NELL2: variants seen among roughly 807,000 people sequenced by gnomAD.
NELL2 encodes protein kinase C-binding protein NELL2.
NELL2 carries 41 observed loss-of-function variants against 109.6 expected under a neutral mutation model. That is an observed-to-expected ratio of 0.37 (90% CI 0.29 to 0.49). The LOEUF (loss-of-function observed/expected upper bound fraction) is 0.49. NELL2 is among the 20% of genes least tolerant of loss of function. NELL2 has a pLI of 0.98. For missense variants in NELL2, 900 were observed against 1,008.3 expected, an observed-to-expected ratio of 0.89 and a Z score of 1.45; for synonymous variants, 355 against 344.7, an observed-to-expected ratio of 1.03 and a Z score of -0.33.
chr12:44,510,428 T>C (rs1350718235), intron 19 of NELL2, among the ~76,000 whole-genome samples: 1 of 152,184 alleles, frequency 6.6e-6, no homozygotes, highest in Non-Finnish European at 1.5e-5. Context: ...CATCCTCCAT[T>C]ATATAGTTTC....
chr12:44,544,938 C>T (rs1942731227), intron 15 of NELL2, among the ~76,000 whole-genome samples: 1 of 151,656 alleles, frequency 6.6e-6, no homozygotes, highest in African/African-American at 2.4e-5. Context: ...AAGGGCAGTC[C>T]TTGGAGAAAA....
At chr12:44,866,792 A>G (rs1592679504) in intron 2 of NELL2, among the ~76,000 whole-genome samples, 1 of 152,238 alleles carries the variant, frequency 6.6e-6, no homozygotes, top group East Asian at 1.9e-4. Flanking sequence ...GAAAGAAGAG[A>G]CATTATTACT....
chr12:44,886,081 TAGTAAGGAAGGAAGGAAGGAAGGA>T, intron 1 of NELL2, among the ~76,000 whole-genome samples: 1 of 107,888 alleles, frequency 9.3e-6, no homozygotes, highest in East Asian at 2.4e-4. Flanking sequence ...AACATCCATA[TAGTAAGGAAGGAAGGAAGGAAGGA>T]AGGAAGGAAG....
intron 1 of NELL2, among the ~76,000 whole-genome samples, chr12:44,901,499 A>C (rs1301155278): frequency 6.6e-6 from 1 of 152,190 alleles, no homozygotes; most frequent in Non-Finnish European, 1.5e-5. Context: ...ATTCCTTCTA[A>C]AACTATTCCA....
intron 15 of NELL2, among the ~76,000 whole-genome samples, chr12:44,533,435 T>C (rs1942171878): frequency 6.6e-6 from 1 of 152,064 alleles, no homozygotes; most frequent in Non-Finnish European, 1.5e-5. Context: ...TCCTGCCATG[T>C]AGATAGTACA....
chr12:44,686,890 G>A (rs879413528), intron 12 of NELL2, among the ~76,000 whole-genome samples: 1 of 152,198 alleles, frequency 6.6e-6, no homozygotes, highest in African/African-American at 2.4e-5. Flanking sequence ...CCTGCCCCCA[G>A]AGGTGGAGCC....
At chr12:44,653,915 T>C (rs1374652281) in intron 13 of NELL2, among the ~76,000 whole-genome samples, 1 of 152,226 alleles carries the variant, frequency 6.6e-6, no homozygotes, top group African/African-American at 2.4e-5. Flanking sequence ...CTTTATCTCT[T>C]ACAATTCCAT....
chr12:44,871,429 A>G (rs538828225), intron 2 of NELL2, among the ~76,000 whole-genome samples: 2 of 152,332 alleles, frequency 1.3e-5, no homozygotes, highest in South Asian at 4.1e-4. Context: ...TATTTGAAAG[A>G]ATGAAAGTAA....
chr12:44,878,600 A>C (rs1288575868), upstream of NELL2, among the ~76,000 whole-genome samples: 1 of 152,162 alleles, frequency 6.6e-6, no homozygotes, highest in Non-Finnish European at 1.5e-5. Context: ...TCTTTTGACT[A>C]TATCTCTTTG....
chr12:44,873,043 T>C (rs769654663), intron 2 of NELL2, among the ~76,000 whole-genome samples: 4 of 152,202 alleles, frequency 2.6e-5, no homozygotes, highest in Non-Finnish European at 5.9e-5. Context: ...CTTTTGTCAA[T>C]TTCATAATCC....
At chr12:44,557,111 C>T (rs1025864965) in intron 15 of NELL2, among the ~76,000 whole-genome samples, 10 of 152,304 alleles carry the variant, frequency 6.6e-5, no homozygotes, top group African/African-American at 2.4e-4. Flanking sequence ...CACTCCCACA[C>T]ATCCTTTCTC....
At chr12:44,879,176 T>C (rs940743327), upstream of NELL2, among the ~76,000 whole-genome samples, 1 of 152,084 alleles carries the variant, frequency 6.6e-6, no homozygotes, top group South Asian at 2.1e-4. Context: ...CATCTAGAAA[T>C]TGGAAATGGC....
At chr12:44,768,214 G>A (rs1941409965) in intron 9 of NELL2, among the ~76,000 whole-genome samples, 1 of 152,068 alleles carries the variant, frequency 6.6e-6, no homozygotes, top group Admixed American at 6.6e-5. Flanking sequence ...AATTATTCTA[G>A]TTTATTAATA....
chr12:44,840,444 C>T (rs951762549), intron 2 of NELL2, among the ~76,000 whole-genome samples: 1 of 152,030 alleles, frequency 6.6e-6, no homozygotes, highest in Non-Finnish European at 1.5e-5. Flanking sequence ...TTTGTACTTT[C>T]CCAAGCAAGG....
At chr12:44,679,508 G>A (rs991514610) in intron 12 of NELL2, among the ~76,000 whole-genome samples, 7 of 152,212 alleles carry the variant, frequency 4.6e-5, no homozygotes, top group Admixed American at 6.5e-5. Context: ...ATGTTCATAT[G>A]CATTGTATGT....
chr12:44,727,182 T>C lies in NELL2; in HGVS notation c.995-12441A>G, dbSNP rs112302946. The stretch of plus-strand genomic sequence containing the variant: ...TGGACTTGCACATAAAAATTGCACA[T>C]AGGGAAATTGTTGAAAATATCTGTG... On this transcript the variant is annotated intron_variant, in intron 9 of 19. Coordinates refer to ENST00000429094, the MANE Select transcript of NELL2 (RefSeq NM_001145108.2). Among the ~76,000 whole-genome samples the C allele has an allele frequency of 1.6e-3, 237 of 152,176 alleles. 1 individual carries two copies. Among genetic ancestry groups the C allele is most frequent in the African/African-American group, 5.2e-3 (217 of 41,548 alleles).
intron 2 of NELL2, among the ~76,000 whole-genome samples, chr12:44,838,948 T>C (rs1944137657): frequency 6.6e-6 from 1 of 152,228 alleles, no homozygotes; most frequent in South Asian, 2.1e-4. Context: ...CATTTTCTTC[T>C]GCTGGTCTAG....
At chr12:44,625,582 C>T (rs1307928167) in intron 13 of NELL2, among the ~76,000 whole-genome samples, 1 of 151,776 alleles carries the variant, frequency 6.6e-6, no homozygotes, top group Non-Finnish European at 1.5e-5. Flanking sequence ...TGAATGTTTT[C>T]ATGCATTAAA....
At chr12:44,726,090 A>T (rs1463334966) in intron 9 of NELL2, among the ~76,000 whole-genome samples, 2 of 152,190 alleles carry the variant, frequency 1.3e-5, no homozygotes, top group African/African-American at 4.8e-5. Flanking sequence ...TATTACTGTA[A>T]AAAGTAATTG....
Sources: gnomAD v4.1 joint callset for allele counts (sites outside exome capture counted in the v4.1 genomes callset) on GRCh38, gnomAD v4.1.1 for gene constraint, MANE v1.5 for transcripts, NCBI Gene and HGNC (gene_info 2026-07-23, HGNC 2026-07-21) for gene names.